NINJ2: variants seen among roughly 807,000 people sequenced by gnomAD.
NINJ2 encodes ninjurin-2.
In NINJ2, 12 loss-of-function variants were observed where a neutral mutation model predicts 11.7. That is an observed-to-expected ratio of 1.02 (90% CI 0.66 to 1.66). NINJ2 has a LOEUF of 1.66. NINJ2 is among the 40% of genes most tolerant of loss of function. NINJ2 has a pLI of 0.00. For synonymous variants in NINJ2, 93 were observed against 76.8 expected (o/e 1.21, Z -1.10); for missense variants, 187 against 181.8 (o/e 1.03, Z -0.16).
At chr12:598,022 T>C (rs1418913917) in intron 1 of NINJ2, among the ~76,000 whole-genome samples, 1 of 152,246 alleles carries the variant, frequency 6.6e-6, no homozygotes, top group Non-Finnish European at 1.5e-5. Flanking sequence ...GGAGGTCCCC[T>C]GCGGAGAAAG....
chr12:608,693 T>C (rs1947971803), intron 1 of NINJ2, among the ~76,000 whole-genome samples: 1 of 151,174 alleles, frequency 6.6e-6, no homozygotes, highest in Non-Finnish European at 1.5e-5. Context: ...CCTCACTAGC[T>C]AGCTGGCTTC....
chr12:625,003 G>A (rs1948196271), intron 1 of NINJ2, among the ~76,000 whole-genome samples: 1 of 151,318 alleles, frequency 6.6e-6, no homozygotes, highest in Non-Finnish European at 1.5e-5. Flanking sequence ...CGGCTACTTG[G>A]GAGGCTGAGT....
chr12:572,503 G>A (rs1430846800), intron 1 of NINJ2, among the ~76,000 whole-genome samples: 1 of 152,208 alleles, frequency 6.6e-6, no homozygotes, highest in Non-Finnish European at 1.5e-5. Context: ...AGAGTGATTC[G>A]TTCAAAGGAA....
At chr12:662,154 AG>A (rs1167584420) in intron 1 of NINJ2, among the ~76,000 whole-genome samples, 2 of 152,242 alleles carry the variant, frequency 1.3e-5, no homozygotes, top group Non-Finnish European at 2.9e-5. Flanking sequence ...TGTACTAGGA[AG>A]GGCCAGCCAG....
chr12:605,651 T>C (rs767045138), intron 1 of NINJ2, among the ~76,000 whole-genome samples: 4 of 152,188 alleles, frequency 2.6e-5, no homozygotes, highest in Non-Finnish European at 2.9e-5. Context: ...CCACCCTACA[T>C]TTCTGCATTG....
chr12:571,446 AG>A (rs1401065415), intron 1 of NINJ2, among the ~76,000 whole-genome samples: 2 of 150,354 alleles, frequency 1.3e-5, no homozygotes, highest in Admixed American at 6.6e-5. Context: ...GGGATGAGGC[AG>A]GGGGGTGGGG....
intron 1 of NINJ2, among the ~76,000 whole-genome samples, chr12:570,567 C>A (rs1000674482): frequency 1.3e-5 from 2 of 152,236 alleles, no homozygotes; most frequent in Admixed American, 6.5e-5. Context: ...CCAGGCGGGT[C>A]GGGAACAGAG....
chr12:597,996 C>T (rs1945732400), intron 1 of NINJ2, among the ~76,000 whole-genome samples: 1 of 152,178 alleles, frequency 6.6e-6, no homozygotes, highest in Admixed American at 6.5e-5. Flanking sequence ...TAGCTCTGGG[C>T]TAATTTATGT....
At chr12:619,623 C>G (rs1049155418) in intron 1 of NINJ2, among the ~76,000 whole-genome samples, 4 of 152,182 alleles carry the variant, frequency 2.6e-5, no homozygotes, top group Non-Finnish European at 2.9e-5. Flanking sequence ...GGCCAAGATG[C>G]TTGGTGCTGC....
chr12:657,295 A>C (rs1484335281), intron 1 of NINJ2, among the ~76,000 whole-genome samples: 4 of 152,224 alleles, frequency 2.6e-5, no homozygotes, highest in African/African-American at 9.6e-5. Context: ...AAAATTCAAC[A>C]ACAAGAAAAT....
intron 1 of NINJ2, among the ~76,000 whole-genome samples, chr12:578,533 G>A (rs1430418500): frequency 6.6e-6 from 1 of 152,108 alleles, no homozygotes; most frequent in Non-Finnish European, 1.5e-5. Context: ...GCCCAGGCTG[G>A]TTTTGAACTC....
chr12:632,719 G>C (rs949436907), intron 1 of NINJ2: 3 of 152,042 alleles, frequency 2.0e-5, no homozygotes, highest in Non-Finnish European at 4.4e-5. Context: ...GTGGAGAGAG[G>C]GTTCTAAAGG....
chr12:592,897 G>C (rs1032041986), intron 1 of NINJ2, among the ~76,000 whole-genome samples: 7 of 151,918 alleles, frequency 4.6e-5, no homozygotes, highest in African/African-American at 1.7e-4. Flanking sequence ...AAAACAGCAA[G>C]GAAGAACAAA....
At chr12:573,501 C>T (rs1947408588) in intron 1 of NINJ2, among the ~76,000 whole-genome samples, 1 of 152,178 alleles carries the variant, frequency 6.6e-6, no homozygotes, top group Middle Eastern at 3.4e-3. Flanking sequence ...ATTGCTTGAA[C>T]CTCAGAGGCG....
chr12:573,318 C>T (rs1045659906), intron 1 of NINJ2, among the ~76,000 whole-genome samples: 3 of 152,126 alleles, frequency 2.0e-5, no homozygotes, highest in Admixed American at 2.0e-4. Context: ...TGAGCCACCA[C>T]ACCAGGCCCA....
chr12:653,247 C>T (rs1055843583), intron 1 of NINJ2, among the ~76,000 whole-genome samples: 1 of 151,864 alleles, frequency 6.6e-6, no homozygotes, highest in Non-Finnish European at 1.5e-5. Flanking sequence ...GTCTTGATCT[C>T]TTGACCCGTG....
intron 1 of NINJ2, among the ~76,000 whole-genome samples, chr12:616,181 A>G (rs1416805011): frequency 6.6e-6 from 1 of 152,220 alleles, no homozygotes; most frequent in East Asian, 1.9e-4. Flanking sequence ...GCAAAGTCCT[A>G]TAGTCAGGAA....
intron 1 of NINJ2, among the ~76,000 whole-genome samples, chr12:584,899 G>T (rs1468746115): frequency 6.6e-6 from 1 of 151,634 alleles, no homozygotes; most frequent in Admixed American, 6.6e-5. Context: ...GGTGGAGGCG[G>T]GTGGATCAGG....
intron 1 of NINJ2, chr12:610,319 A>G (rs1948011530): frequency 1.3e-6 from 2 of 1,529,900 alleles, no homozygotes; most frequent in Non-Finnish European, 1.8e-6. Context: ...GAGCTGGTGA[A>G]GATCCCGTGG....
Sources: gnomAD v4.1 joint callset for allele counts (sites outside exome capture counted in the v4.1 genomes callset) on GRCh38, gnomAD v4.1.1 for gene constraint, MANE v1.5 for transcripts, NCBI Gene and HGNC (gene_info 2026-07-23, HGNC 2026-07-21) for gene names.